Variants in DNAJB6 observed in about 807,000 individuals in gnomAD.
DNAJB6 encodes the protein dnaJ homolog subfamily B member 6.
Under a neutral mutation model 42.7 loss-of-function variants are expected in DNAJB6, and 16 were observed. That is an observed-to-expected ratio of 0.37 (90% confidence interval 0.25 to 0.57). DNAJB6 has a LOEUF of 0.57. Ranked by LOEUF, DNAJB6 falls within the 20% of genes least tolerant of loss-of-function variation. The pLI is 0.74. For missense variants in DNAJB6, 347 were observed against 416.8 expected (o/e 0.83, Z 1.46); for synonymous variants, 170 against 163.5 (o/e 1.04, Z -0.30).
chr7:157,370,420 A>G (rs763983645), intron 5 of DNAJB6, among the ~76,000 whole-genome samples: 11 of 152,342 alleles, frequency 7.2e-5, no homozygotes, highest in Middle Eastern at 3.4e-3. Context: ...CTTTCTTAAC[A>G]TTATGATTAA....
chr7:157,355,566 T>C (rs1799230118), intron 1 of DNAJB6, among the ~76,000 whole-genome samples: 1 of 151,886 alleles, frequency 6.6e-6, no homozygotes. Context: ...CGTCTGTGGG[T>C]GGTGCTGTGG....
intron 1 of DNAJB6, among the ~76,000 whole-genome samples, chr7:157,342,236 C>T (rs1450822376): frequency 6.6e-6 from 1 of 151,746 alleles, no homozygotes; most frequent in South Asian, 2.1e-4. Flanking sequence ...GGCGTGATCT[C>T]AGCTCACCCC....
Position 157,363,548 on chromosome 7 carries a change from G to C in DNAJB6, c.175+278G>C, listed in dbSNP as rs6970306. Among the ~76,000 whole-genome samples the C allele has an allele frequency of 0.14, 21,433 of 152,160 alleles. 2,091 individuals carry two copies. The highest frequency in any genetic ancestry group is 0.31 in the East Asian group (1,609 of 5,162). On this transcript the variant is annotated intron_variant, in intron 3 of 9. Coordinates refer to ENST00000262177, the MANE Select transcript of DNAJB6 (RefSeq NM_058246.4). ...AGACATCCTGGGTTTGAGGAACCTG[G>C]GAGAGAGGAGGTTGCGGGACTCAGG... is the stretch of plus-strand genomic sequence containing the variant.
chr7:157,351,639 A>G (rs1041873648), intron 1 of DNAJB6, among the ~76,000 whole-genome samples: 1 of 107,400 alleles, frequency 9.3e-6, no homozygotes, highest in Non-Finnish European at 2.2e-5. Context: ...TCTCAAAACA[A>G]CAACAACAAC....
At chr7:157,389,126 T>G (rs1801218605) in intron 8 of DNAJB6, among the ~76,000 whole-genome samples, 1 of 152,218 alleles carries the variant, frequency 6.6e-6, no homozygotes, top group Non-Finnish European at 1.5e-5. Context: ...GTGGAAACGC[T>G]TGAGGAACAC....
At chr7:157,357,239 C>CTT (rs1799333163) in intron 1 of DNAJB6, among the ~76,000 whole-genome samples, 1 of 80,556 alleles carries the variant, frequency 1.2e-5, no homozygotes, top group African/African-American at 4.4e-5. Flanking sequence ...TCCTTCCTTC[C>CTT]TTCCTTCCTT....
At chr7:157,373,610 C>G (rs750780156) in intron 5 of DNAJB6, among the ~76,000 whole-genome samples, 1 of 152,142 alleles carries the variant, frequency 6.6e-6, no homozygotes, top group Non-Finnish European at 1.5e-5. Flanking sequence ...CTTGGCCTCC[C>G]GAAGTGCTGG....
chr7:157,396,380 G>A (rs191632259), intron 8 of DNAJB6, among the ~76,000 whole-genome samples: 12 of 152,206 alleles, frequency 7.9e-5, no homozygotes, highest in East Asian at 1.9e-4. Context: ...CTAGGGTTCC[G>A]TTTATAAAGA....
intron 9 of DNAJB6, chr7:157,413,160 G>A (rs1200772952): frequency 6.6e-6 from 1 of 152,166 alleles, no homozygotes; most frequent in Non-Finnish European, 1.5e-5. Context: ...AGGCACCACC[G>A]GGAACCCACC....
At chr7:157,393,189 T>C (rs1268989934) in intron 8 of DNAJB6, among the ~76,000 whole-genome samples, 1 of 152,130 alleles carries the variant, frequency 6.6e-6, no homozygotes, top group Non-Finnish European at 1.5e-5. Flanking sequence ...TTGGTCAGGC[T>C]GATCCCAAAC....
chr7:157,406,971 G>A (rs970328150), intron 8 of DNAJB6, among the ~76,000 whole-genome samples: 3 of 152,216 alleles, frequency 2.0e-5, no homozygotes, highest in South Asian at 4.1e-4. Flanking sequence ...GGCTGGACCC[G>A]CAGCCTGGCC....
Position 157,401,631 on chromosome 7 carries a change from G to A in DNAJB6, c.692-8164G>A, listed in dbSNP as rs7790282. 4.6e-3 allele frequency among the ~76,000 whole-genome samples: 700 copies of A among 152,304 alleles called. 4 individuals are homozygous for A. Among genetic ancestry groups the A allele is most frequent in the African/African-American group, 0.016 (662 of 41,550 alleles). On this transcript the variant is annotated intron_variant, in intron 8 of 9. Transcript: ENST00000262177. ...CATGACATCTGTGTGTGAGTTTTTG[G>A]GGACATGGTTCAGCTTGTAACAGGG...
At chr7:157,356,756 T>A (rs1185133956) in intron 1 of DNAJB6, among the ~76,000 whole-genome samples, 2 of 152,230 alleles carry the variant, frequency 1.3e-5, no homozygotes, top group Admixed American at 6.5e-5. Flanking sequence ...GTTGTAATTT[T>A]AAAAATACTG....
chr7:157,406,020 G>A (rs1161816816), intron 8 of DNAJB6, among the ~76,000 whole-genome samples: 3 of 152,238 alleles, frequency 2.0e-5, no homozygotes, highest in Non-Finnish European at 2.9e-5. Context: ...GTGTAGCCAG[G>A]GCAGCTGCAG....
chr7:157,384,627 G>C (rs1159062509), intron 6 of DNAJB6, among the ~76,000 whole-genome samples: 1 of 152,210 alleles, frequency 6.6e-6, no homozygotes, highest in Non-Finnish European at 1.5e-5. Flanking sequence ...ATGAGGAGAG[G>C]GGGAGGGGAG....
In DNAJB6 at chr7:157,337,102, C is replaced by G. The variant is rs1798075572; in HGVS notation, c.-69C>G. The G allele has an allele frequency of 1.3e-5, 2 of 152,672 alleles. No homozygotes were observed. The highest frequency in any genetic ancestry group is 4.1e-4 in the South Asian group (2 of 4,830). 9.5% of individuals were successfully genotyped at this position (152,672 alleles called of 1,614,324 possible). On this transcript the variant is annotated 5_prime_UTR_variant, in exon 1 of 10. Coordinates refer to ENST00000262177, the MANE Select transcript of DNAJB6 (RefSeq NM_058246.4). ...AGCTGTGAGGAGATTCGGGCCGTCACCCTGCCTCCCCTGCGTCCCGCCACC... is the reference window on the plus strand; with the variant it reads ...AGCTGTGAGGAGATTCGGGCCGTCAGCCTGCCTCCCCTGCGTCCCGCCACC...
intron 1 of DNAJB6, chr7:157,337,459 A>G (rs1326302604): frequency 2.0e-5 from 3 of 149,916 alleles, no homozygotes; most frequent in East Asian, 4.0e-4. Context: ...CCGGCCTGGG[A>G]GCGGCCGGCT....
At chr7:157,370,298 C>T (rs1409659097) in intron 5 of DNAJB6, among the ~76,000 whole-genome samples, 5 of 149,348 alleles carry the variant, frequency 3.3e-5, no homozygotes, top group African/African-American at 5.0e-5. Flanking sequence ...TTAAATGGGC[C>T]CCTTCTTAAC....
rs780251742 is a variant in DNAJB6, at chr7:157,385,567, T to G, written c.647T>G (p.Val216Gly). 6.2e-7 allele frequency: 1 copy of G among 1,613,444 alleles called. No homozygotes were observed. Among genetic ancestry groups the G allele is most frequent in the Non-Finnish European group, 8.5e-7 (1 of 1,179,800 alleles). ...KRIVENGQER[V>G]EVEEDGQLKS... is the part of the protein sequence containing the mutation. ...ATTGTCGAGAACGGTCAAGAAAGAGTAGAAGTTGAAGAAGATGGCCAGTTA... is the reference window on the plus strand; with the variant it reads ...ATTGTCGAGAACGGTCAAGAAAGAGGAGAAGTTGAAGAAGATGGCCAGTTA... The change falls in exon 8 of 10, where the codon GTA (valine) becomes GGA (glycine). Residue 216 changes from valine to glycine, a missense_variant. Transcript: ENST00000262177.
Sources: allele counts gnomAD v4.1 joint callset (sites outside exome capture counted in the v4.1 genomes callset), GRCh38; gene constraint gnomAD v4.1.1; transcripts MANE v1.5; gene names NCBI Gene and HGNC (gene_info 2026-07-23, HGNC 2026-07-21).